SOX6: variants seen among roughly 807,000 people sequenced by gnomAD.
SOX6 encodes SRY-box transcription factor 6, also known as transcription factor SOX-6.
A neutral mutation model predicts 97.8 loss-of-function variants in SOX6; 11 were observed. The ratio of observed to expected loss-of-function variants is 0.11; its 90% CI spans 0.07 to 0.19. The LOEUF (loss-of-function observed/expected upper bound fraction) is 0.19. Ranked by LOEUF, SOX6 falls within the 10% of genes least tolerant of loss-of-function variation. SOX6 has a pLI of 1.00. For missense variants in SOX6, 810 were observed against 1,039.5 expected (o/e 0.78, Z 3.04); for synonymous variants, 360 against 371.4 (o/e 0.97, Z 0.35).
intron 3 of SOX6, among the ~76,000 whole-genome samples, chr11:16,689,389 G>T (rs555740527): frequency 6.6e-6 from 1 of 152,320 alleles, no homozygotes; most frequent in Admixed American, 6.5e-5. Flanking sequence ...TCTCAAGGTT[G>T]TAAGCTGGAA....
intron 6 of SOX6, among the ~76,000 whole-genome samples, chr11:16,132,962 T>C (rs1169482177): frequency 6.6e-6 from 1 of 152,164 alleles, no homozygotes; most frequent in Non-Finnish European, 1.5e-5. Context: ...AAAAAGTATA[T>C]TATTCATTCA....
intron 3 of SOX6, among the ~76,000 whole-genome samples, chr11:16,293,269 C>A (rs181859118): frequency 2.4e-4 from 36 of 152,138 alleles, no homozygotes; most frequent in African/African-American, 7.9e-4. Flanking sequence ...CCACTTTAGC[C>A]TTTTGTAATA....
intron 4 of SOX6, among the ~76,000 whole-genome samples, chr11:16,583,640 C>CATATGT (rs1342015213): frequency 1.1e-5 from 1 of 92,806 alleles, no homozygotes; most frequent in Non-Finnish European, 2.5e-5. Context: ...TATATATACA[C>CATATGT]ATACACACAC....
At chr11:16,273,564 T>C (rs892863748) in intron 3 of SOX6, among the ~76,000 whole-genome samples, 2 of 151,840 alleles carry the variant, frequency 1.3e-5, no homozygotes, top group Admixed American at 6.6e-5. Flanking sequence ...CTCCCCCACA[T>C]CTACCTCAAT....
chr11:16,685,577 G>A (rs1271034744), intron 3 of SOX6, among the ~76,000 whole-genome samples: 1 of 152,258 alleles, frequency 6.6e-6, no homozygotes, highest in East Asian at 1.9e-4. Context: ...GCAAAAGGTG[G>A]GCTCCCAAGG....
intron 6 of SOX6, among the ~76,000 whole-genome samples, chr11:16,170,496 T>C (rs1191148197): frequency 6.6e-6 from 1 of 152,052 alleles, no homozygotes; most frequent in African/African-American, 2.4e-5. Flanking sequence ...GCCAGATATC[T>C]TTCCCACATT....
At chr11:15,993,588 A>G (rs559688488) in intron 13 of SOX6, among the ~76,000 whole-genome samples, 3 of 152,338 alleles carry the variant, frequency 2.0e-5, no homozygotes, top group East Asian at 3.9e-4. Flanking sequence ...GCACCACAGT[A>G]GGCTTCAAGG....
At chr11:16,050,028 A>C in intron 10 of SOX6, 90 bp from the exon 11 acceptor site, 1 of 1,270,094 alleles carries the variant, frequency 7.9e-7, no homozygotes, top group Non-Finnish European at 1.1e-6. Flanking sequence ...TACACCTCAG[A>C]GACAATGCCA....
chr11:16,579,203 C>T (rs1479819199), intron 4 of SOX6, among the ~76,000 whole-genome samples: 2 of 151,976 alleles, frequency 1.3e-5, no homozygotes, highest in African/African-American at 2.4e-5. Context: ...AAAATGTATA[C>T]ATAGCCTTTT....
chr11:16,290,444 A>G (rs1237168410), intron 3 of SOX6, among the ~76,000 whole-genome samples: 1 of 152,052 alleles, frequency 6.6e-6, no homozygotes, highest in East Asian at 1.9e-4. Flanking sequence ...TCAAACAAAT[A>G]CTATGCTGAG....
At chr11:16,280,054 G>T (rs1226152353) in intron 3 of SOX6, among the ~76,000 whole-genome samples, 2 of 152,032 alleles carry the variant, frequency 1.3e-5, no homozygotes, top group East Asian at 1.9e-4. Context: ...AATGTATCAA[G>T]AAATGACTTA....
intron 4 of SOX6, among the ~76,000 whole-genome samples, chr11:16,537,576 GA>G (rs906143713): frequency 2.0e-5 from 3 of 152,038 alleles, no homozygotes; most frequent in African/African-American, 7.2e-5. Context: ...TAAAAACCTT[GA>G]AAAAAGGTTA....
chr11:16,620,039 G>A (rs35340846), intron 3 of SOX6, among the ~76,000 whole-genome samples: 28,105 of 151,836 alleles, frequency 0.19, 2,700 homozygotes, highest in African/African-American at 0.21. Context: ...TTAAACATAA[G>A]GAACAAAGAA....
At chr11:16,452,007 T>TAAATAAATAAATAAATAAATA (rs1448775059) in intron 1 of SOX6, among the ~76,000 whole-genome samples, 16 of 151,114 alleles carry the variant, frequency 1.1e-4, no homozygotes, top group African/African-American at 3.7e-4. Context: ...AATAAATAAA[T>TAAATAAATAAATAAATAAATA]AAATAAAATA....
chr11:16,409,007 T>C (rs1046861296), intron 1 of SOX6: 5 of 152,154 alleles, frequency 3.3e-5, no homozygotes, highest in African/African-American at 9.7e-5. Flanking sequence ...ATAAACAGAC[T>C]AAAGTATTTA....
intron 4 of SOX6, among the ~76,000 whole-genome samples, chr11:16,572,950 T>G (rs973116404): frequency 6.6e-6 from 1 of 152,190 alleles, no homozygotes; most frequent in Non-Finnish European, 1.5e-5. Context: ...TTTAAACCAC[T>G]CTTATTCTGT....
intron 5 of SOX6, among the ~76,000 whole-genome samples, chr11:16,185,258 T>C (rs1376056367): frequency 6.6e-6 from 1 of 152,142 alleles, no homozygotes; most frequent in African/African-American, 2.4e-5. Context: ...AAAGTGGAAA[T>C]AGTATTTAAT....
intron 6 of SOX6, among the ~76,000 whole-genome samples, chr11:16,120,561 C>CATATATAT (rs71455877): frequency 0.012 from 1,752 of 145,046 alleles, 31 homozygotes; most frequent in African/African-American, 0.041. Context: ...GCTAACTTCA[C>CATATATAT]ATATATATAT....
intron 4 of SOX6, among the ~76,000 whole-genome samples, chr11:16,591,565 C>A (rs1028176986): frequency 6.6e-6 from 1 of 151,966 alleles, no homozygotes; most frequent in Non-Finnish European, 1.5e-5. Flanking sequence ...AATTTTGTTA[C>A]CAAAAATTCT....
Sources: gnomAD v4.1 joint callset for allele counts (sites outside exome capture counted in the v4.1 genomes callset) on GRCh38, gnomAD v4.1.1 for gene constraint, MANE v1.5 for transcripts, NCBI Gene and HGNC (gene_info 2026-07-23, HGNC 2026-07-21) for gene names.